The following DHH variants were observed in gnomAD, a reference collection of about 807,000 sequenced individuals.
DHH encodes the protein desert hedgehog signaling molecule, also known as desert hedgehog protein.
A neutral mutation model predicts 27.6 loss-of-function variants in DHH; 16 were observed. That is an observed-to-expected ratio of 0.58 (90% CI 0.39 to 0.88). DHH has a LOEUF of 0.88. Among genes scored for constraint, DHH ranks in the 40% least tolerant of loss-of-function variants. DHH has a pLI of 0.00. For missense variants in DHH, 436 were observed against 563.1 expected, an observed-to-expected ratio of 0.77 and a Z score of 2.28; for synonymous variants, 289 against 263.4, an observed-to-expected ratio of 1.10 and a Z score of -0.94.
chr12:49,091,957 A>G lies in DHH; in HGVS notation c.304-568T>C, dbSNP rs568656150. ...GCCCAAGAGGAGCTGTGCGGGATCA[A>G]GGCTGCTGGAAAAAGGATTGGGGTG... On this transcript the variant is annotated intron_variant, in intron 1 of 2. Transcript: ENST00000649637. This position sits in a 1 kb window ranked among gnomAD's most constrained non-coding sequence, Gnocchi z 4.8. Among the ~76,000 whole-genome samples the G allele has an allele frequency of 6.6e-6, 1 of 152,178 alleles. No homozygotes were observed. Among genetic ancestry groups the G allele is most frequent in the East Asian group, 1.9e-4 (1 of 5,160 alleles).
Position 49,091,177 on chromosome 12 carries a change from G to C in DHH, c.516C>G (p.Asp172Glu). Residue 172 changes from aspartate (D) to glutamate (E), a missense_variant, in exon 2 of 3, where the codon GAC (aspartate) becomes GAG (glutamate). Physicochemically the swap from Asp to Glu is conservative, Grantham distance 45. Transcript: ENST00000649637. This position sits in a 1 kb window ranked among gnomAD's most constrained non-coding sequence, Gnocchi z 4.8. ...GGTTGCGGGACTCGTAGTAGACCCA[G>C]TCGAAGCCGGCTTCCACTGCGAGGC... ...LARLAVEAGF[D>E]WVYYESRNHV... 6.2e-7 allele frequency: 1 copy of C among 1,614,252 alleles called. No homozygotes were observed. The highest frequency in any genetic ancestry group is 8.5e-7 in the Non-Finnish European group (1 of 1,180,044).
At position 49,089,977 on chromosome 12, in the gene DHH, G is replaced by A. The variant is rs868776338; in HGVS notation, c.1073C>T (p.Ala358Val). Residue 358 changes from alanine to valine, a missense_variant, in exon 3 of 3, where the codon GCC becomes GTC. Coordinates refer to ENST00000649637, the MANE Select transcript of DHH (RefSeq NM_021044.4). ...TAGCGCGTGCAGCAGTCTCAAGGGG[G>A]CAAAAGCGCGGTGCGCCCACTGGTG... ...ESHQWAHRAF[A>V]PLRLLHALGA... 6.4e-7 allele frequency: 1 copy of A among 1,570,896 alleles called. No homozygotes were observed. Among genetic ancestry groups the A allele is most frequent in the Non-Finnish European group, 8.6e-7 (1 of 1,159,116 alleles).
Position 49,091,810 on chromosome 12 carries a change from T to C in DHH, c.304-421A>G, listed in dbSNP as rs983952113. On this transcript the variant is annotated intron_variant, in intron 1 of 2. Coordinates refer to ENST00000649637, the MANE Select transcript of DHH (RefSeq NM_021044.4). This position sits in a 1 kb window ranked among gnomAD's most constrained non-coding sequence, Gnocchi z 4.8. ...AGGCACCGGCTCCCCTCCCTCCGCCTGATTCATCTTTTGTTTCATTGCCTT... is the reference window on the plus strand; with the variant it reads ...AGGCACCGGCTCCCCTCCCTCCGCCCGATTCATCTTTTGTTTCATTGCCTT... 6.6e-6 allele frequency among the ~76,000 whole-genome samples: 1 copy of C among 151,788 alleles called. No individual in the cohort carries two copies. Among genetic ancestry groups the C allele is most frequent in the African/African-American group, 2.4e-5 (1 of 41,310 alleles).
rs1002153370 is a variant in DHH at position 49,090,891 on chromosome 12, G to C, written c.565+237C>G. Among the ~76,000 whole-genome samples, 2 of 152,068 alleles carry C rather than the reference G, an allele frequency of 1.3e-5. No homozygotes were observed. The highest frequency in any genetic ancestry group is 4.8e-5 in the African/African-American group (2 of 41,406). On this transcript the variant is annotated intron_variant, in intron 2 of 2. Coordinates refer to ENST00000649637, the MANE Select transcript of DHH (RefSeq NM_021044.4). This position sits in a 1 kb window ranked among gnomAD's most constrained non-coding sequence, Gnocchi z 5.2. The stretch of plus-strand genomic sequence containing the variant: ...TAATTTTCGTATTTATAATAGAGAC[G>C]GGATTTCACCATGTTGGCTAGGCTG...
chr12:49,090,088 G>T lies in DHH; in HGVS notation c.962C>A (p.Ala321Asp). ...ARVARVAREE[A>D]VGVFAPLTAH... ...GGTGAGCGGCGCGAACACGCCCACGGCTTCCTCCCGCGCCACACGGGCCAC... is the reference window on the plus strand; with the variant it reads ...GGTGAGCGGCGCGAACACGCCCACGTCTTCCTCCCGCGCCACACGGGCCAC... Residue 321 changes from alanine (A) to aspartate (D), a missense_variant, in exon 3 of 3, where the codon GCC becomes GAC. By Grantham distance (126) the Ala-to-Asp change is moderately radical. Coordinates refer to ENST00000649637, the MANE Select transcript of DHH (RefSeq NM_021044.4). The surrounding 1 kb of genome is among the most constrained non-coding windows in gnomAD (Gnocchi z 5.2). 6.5e-7 allele frequency: 1 copy of T among 1,532,204 alleles called. No individual in the cohort carries two copies. The highest frequency in any genetic ancestry group is 8.8e-7 in the Non-Finnish European group (1 of 1,140,092). 94.9% of individuals were successfully genotyped at this position (1,532,204 alleles called of 1,614,324 possible).
rs1939222407 is a variant in DHH, at chr12:49,087,108, A to G, written c.*2751T>C. ...TTTGTTGATGGTGAAAGGTGCTGCA[A>G]TTGGGAGGTGTTGCATGGCCAAGTG... On this transcript the variant is annotated 3_prime_UTR_variant, in exon 3 of 3. Coordinates refer to ENST00000649637, the MANE Select transcript of DHH (RefSeq NM_021044.4). Among the ~76,000 whole-genome samples the G allele has an allele frequency of 6.6e-6, 1 of 152,076 alleles. No individual in the cohort carries two copies.
Position 49,090,061 on chromosome 12 carries a change from G to A in DHH, c.989C>T (p.Ala330Val), listed in dbSNP as rs748134770. The A allele has an allele frequency of 3.2e-6, 5 of 1,539,738 alleles. No homozygotes were observed. The East Asian group carries it at 1.0e-4, about 31-fold the overall frequency. Residue 330 changes from alanine to valine, a missense_variant, in exon 3 of 3, where the codon GCG becomes GTG. Physicochemically the swap from Ala to Val is moderately conservative, Grantham distance 64 (BLOSUM62 0). Transcript: ENST00000649637. The surrounding 1 kb of genome is among the most constrained non-coding windows in gnomAD (Gnocchi z 5.2). ...ATCGTTCACCAGCAGCGTCCCGTGC[G>A]CGGTGAGCGGCGCGAACACGCCCAC... is the stretch of plus-strand genomic sequence containing the variant. ...EAVGVFAPLT[A>V]HGTLLVNDVL...
chr12:49,091,252 C>T lies in DHH; in HGVS notation c.441G>A (p.Leu147=). ...GGTCGCGGTCAGACGTAGTGATGTC[C>T]AAAGCACGGCCTTCGTAGTGGAGTG... The part of the protein sequence containing the change: ...QDSLHYEGRA[L]DITTSDRDRN... Residue 147 remains leucine, a synonymous_variant, in exon 2 of 3, where the codon TTG becomes TTA. Transcript: ENST00000649637. This position sits in a 1 kb window ranked among gnomAD's most constrained non-coding sequence, Gnocchi z 4.8. The T allele has an allele frequency of 6.2e-7, 1 of 1,614,238 alleles. No individual in the cohort carries two copies. The highest frequency in any genetic ancestry group is 1.7e-5 in the Admixed American group (1 of 60,028).
Position 49,089,935 on chromosome 12 carries a change from C to G in DHH, c.1115G>C (p.Gly372Ala), listed in dbSNP as rs764357628. The G allele has an allele frequency of 6.3e-7, 1 of 1,585,032 alleles. No homozygotes were observed. Among genetic ancestry groups the G allele is most frequent in the Non-Finnish European group, 8.6e-7 (1 of 1,166,642 alleles). The change falls in exon 3 of 3, where the codon GGC becomes GCC. Residue 372 changes from glycine to alanine, a missense_variant. By Grantham distance (60) the Gly-to-Ala change is moderately conservative. Transcript: ENST00000649637. ...CATGCCAGTCGGCTGGACGGCCCCG[C>G]CGGGGAGCAGCGCCCCTAGCGCGTG... is the stretch of plus-strand genomic sequence containing the variant. ...LLHALGALLP[G>A]GAVQPTGMHW...
Position 49,091,435 on chromosome 12 carries a change from G to C in DHH, c.304-46C>G, listed in dbSNP as rs1487907478. ...CAGTCTCCCCACCACCACCCTTGGG[G>C]CAAAAGGGACCTGGATAGGAGGGTT... is the stretch of plus-strand genomic sequence containing the variant. On this transcript the variant is annotated intron_variant, in intron 1 of 2. Transcript: ENST00000649637. This position sits in a 1 kb window ranked among gnomAD's most constrained non-coding sequence, Gnocchi z 4.8. 6.2e-7 allele frequency: 1 copy of C among 1,609,550 alleles called. No homozygotes were observed. The highest frequency in any genetic ancestry group is 8.5e-7 in the Non-Finnish European group (1 of 1,178,864).
Position 49,094,242 on chromosome 12 carries a change from C to G in DHH, c.271G>C (p.Glu91Gln), listed in dbSNP as rs746647739. 2 of 1,613,642 alleles carry G rather than the reference C, an allele frequency of 1.2e-6. No individual in the cohort carries two copies. The highest frequency in any genetic ancestry group is 4.5e-5 in the East Asian group (2 of 44,880). Reference protein sequence around the residue: ...YNPDIIFKDEENSGADRLMTE... With the variant: ...YNPDIIFKDEQNSGADRLMTE... Reference sequence around the variant, plus strand: ...ATCAGGCGGTCGGCTCCACTGTTCTCCTCATCCTTGAAGATGATGTCGGGG... The same window carrying G: ...ATCAGGCGGTCGGCTCCACTGTTCTGCTCATCCTTGAAGATGATGTCGGGG... The change falls in exon 1 of 3, where the codon GAG (glutamate) becomes CAG (glutamine). Residue 91 changes from glutamate (E) to glutamine (Q), a missense_variant. Coordinates refer to ENST00000649637, the MANE Select transcript of DHH (RefSeq NM_021044.4).
In DHH at chr12:49,089,958, G is replaced by C. The variant is rs1292697549; in HGVS notation, c.1092C>G (p.His364Gln). ...CGCCGGGGAGCAGCGCCCCTAGCGC[G>C]TGCAGCAGTCTCAAGGGGGCAAAAG... Reference protein sequence around the residue: ...HRAFAPLRLLHALGALLPGGA... With the variant: ...HRAFAPLRLLQALGALLPGGA... The change falls in exon 3 of 3, where the codon CAC (histidine) becomes CAG (glutamine). Residue 364 changes from histidine (H) to glutamine (Q), a missense_variant. Coordinates refer to ENST00000649637, the MANE Select transcript of DHH (RefSeq NM_021044.4). 1 of 1,577,258 alleles carries C rather than the reference G, an allele frequency of 6.3e-7. No homozygotes were observed. Among genetic ancestry groups the C allele is most frequent in the South Asian group, 1.2e-5 (1 of 86,308 alleles).
chr12:49,094,644 C>T lies in DHH; in HGVS notation c.-132G>A. The T allele has an allele frequency of 1.8e-6, 2 of 1,082,664 alleles. No individual in the cohort carries two copies. 67.1% of individuals were successfully genotyped at this position (1,082,664 alleles called of 1,614,324 possible). A position where few individuals can be genotyped will look rare whatever the true frequency, so the allele number is the denominator to read the frequency against. On this transcript the variant is annotated 5_prime_UTR_variant, in exon 1 of 3. Coordinates refer to ENST00000649637, the MANE Select transcript of DHH (RefSeq NM_021044.4). The stretch of plus-strand genomic sequence containing the variant: ...CCAGAGTGCCCTAGAGCTCTTGTGG[C>T]TCCGTGCACCTGGCTGCTGCTAGCT...
At chr12:49,093,583 C>A (rs1324408737) in intron 1 of DHH, among the ~76,000 whole-genome samples, 1 of 152,144 alleles carries the variant, frequency 6.6e-6, no homozygotes, top group African/African-American at 2.4e-5. Context: ...GTTATTCTCA[C>A]TGAGGATTAC....
Position 49,091,394 on chromosome 12 carries a change from C to T in DHH, c.304-5G>A. ...GTTCACCCGCTCCTTACAACGCTGG[C>T]GGGGAATAAAGGAGTCAGTCTCCCC... On this transcript the variant is annotated splice_region_variant and splice_polypyrimidine_tract_variant and intron_variant, in intron 1 of 2. Coordinates refer to ENST00000649637, the MANE Select transcript of DHH (RefSeq NM_021044.4). This position sits in a 1 kb window ranked among gnomAD's most constrained non-coding sequence, Gnocchi z 4.8. 1 of 1,613,884 alleles carries T rather than the reference C, an allele frequency of 6.2e-7. No homozygotes were observed. The highest frequency in any genetic ancestry group is 1.1e-5 in the South Asian group (1 of 91,056).
rs924375827 is a variant in DHH, at chr12:49,086,737, CCT to C, written c.*3120_*3121del. ...TACCTGGAACCCCATTATGCTTTCACCTCCTTGACTACTGAGCTCAAGGGTCA... is the reference window on the plus strand; with the variant it reads ...TACCTGGAACCCCATTATGCTTTCACCCTTGACTACTGAGCTCAAGGGTCA... On this transcript the variant is annotated 3_prime_UTR_variant, in exon 3 of 3. Transcript: ENST00000649637. Among the ~76,000 whole-genome samples the C allele has an allele frequency of 1.2e-4, 18 of 152,300 alleles. No individual in the cohort carries two copies. The highest frequency in any genetic ancestry group is 4.3e-4 in the African/African-American group (18 of 41,552).
Position 49,090,833 on chromosome 12 carries a change from C to G in DHH, c.565+295G>C, listed in dbSNP as rs1939288995. Among the ~76,000 whole-genome samples, 1 of 152,100 alleles carries G rather than the reference C, an allele frequency of 6.6e-6. No individual in the cohort carries two copies. Among genetic ancestry groups the G allele is most frequent in the Non-Finnish European group, 1.5e-5 (1 of 68,028 alleles). On this transcript the variant is annotated intron_variant, in intron 2 of 2. Coordinates refer to ENST00000649637, the MANE Select transcript of DHH (RefSeq NM_021044.4). The surrounding 1 kb of genome is among the most constrained non-coding windows in gnomAD (Gnocchi z 5.2). ...TCTCGTGCCTCAGCCTCACGAGTAGCCGGGATTACAGGCATACACCACCAC... is the reference window on the plus strand; with the variant it reads ...TCTCGTGCCTCAGCCTCACGAGTAGGCGGGATTACAGGCATACACCACCAC...
chr12:49,090,062 C>T lies in DHH; in HGVS notation c.988G>A (p.Ala330Thr). The T allele has an allele frequency of 6.5e-7, 1 of 1,539,570 alleles. No individual in the cohort carries two copies. Among genetic ancestry groups the T allele is most frequent in the Non-Finnish European group, 8.7e-7 (1 of 1,143,800 alleles). ...TCGTTCACCAGCAGCGTCCCGTGCG[C>T]GGTGAGCGGCGCGAACACGCCCACG... ...EAVGVFAPLT[A>T]HGTLLVNDVL... Residue 330 changes from alanine (A) to threonine (T), a missense_variant, in exon 3 of 3, where the codon GCG becomes ACG. Coordinates refer to ENST00000649637, the MANE Select transcript of DHH (RefSeq NM_021044.4). This position sits in a 1 kb window ranked among gnomAD's most constrained non-coding sequence, Gnocchi z 5.2.
chr12:49,094,075 C>T (rs548316963), intron 1 of DHH, 135 bp downstream of exon 1: 1 of 1,029,356 alleles, frequency 9.7e-7, no homozygotes, highest in South Asian at 1.4e-5. Flanking sequence ...TTTTCCCCCC[C>T]CTGGGGCTGG....
Sources: gnomAD v4.1 joint callset for allele counts (sites outside exome capture counted in the v4.1 genomes callset) on GRCh38, gnomAD v4.1.1 for gene constraint, Gnocchi (gnomAD v3.1) non-coding constraint, MANE v1.5 for transcripts, NCBI Gene and HGNC (gene_info 2026-07-23, HGNC 2026-07-21) for gene names.